MDN1: variants seen among roughly 807,000 people sequenced by gnomAD.
The protein encoded by MDN1 is midasin.
In MDN1, 266 loss-of-function variants were observed where a neutral mutation model predicts 669.2. That is an observed-to-expected ratio of 0.40 (90% CI 0.36 to 0.44). MDN1 has a LOEUF of 0.44. Among genes scored for constraint, MDN1 ranks in the 20% least tolerant of loss-of-function variants. MDN1 has a pLI of 1.00. For synonymous variants in MDN1, 2,385 were observed against 2,457.1 expected (o/e 0.97, Z 0.87); for missense variants, 5,940 against 6,754.0 (o/e 0.88, Z 4.22).
intron 33 of MDN1, among the ~76,000 whole-genome samples, chr6:89,734,087 C>G (rs1235059960): frequency 6.6e-6 from 1 of 151,878 alleles, no homozygotes; most frequent in Non-Finnish European, 1.5e-5. Context: ...GAGTTCAAGA[C>G]CACCCTGGCC....
intron 63 of MDN1, among the ~76,000 whole-genome samples, chr6:89,691,608 T>C (rs1468242680): frequency 1.3e-5 from 2 of 152,060 alleles, no homozygotes; most frequent in Admixed American, 1.3e-4. Context: ...GATAAGAAAA[T>C]AGTTAAATTA....
rs1584419685 is a variant in MDN1, at chr6:89,818,896, C to CT, written c.102+609dup. 2.0e-5 allele frequency among the ~76,000 whole-genome samples: 3 copies of CT among 152,174 alleles called. No individual in the cohort carries two copies. In the East Asian group the frequency reaches 5.8e-4, roughly 29 times the overall value. On this transcript the variant is annotated intron_variant, in intron 1 of 101. Coordinates refer to ENST00000369393, the MANE Select transcript of MDN1 (RefSeq NM_014611.3). ...CCGAAGACCTATTTCCCAGAAAACTCTAATTAACCTTATAATTTGTATAGT... is the reference window on the plus strand; with the variant it reads ...CCGAAGACCTATTTCCCAGAAAACTCTTAATTAACCTTATAATTTGTATAGT...
At chr6:89,814,897 C>T (rs1224144484) in intron 1 of MDN1, 1 of 495,770 alleles carries the variant, frequency 2.0e-6, no homozygotes, top group East Asian at 5.4e-5. Context: ...CCCTAGAAAC[C>T]AGGGTCAGGG....
intron 15 of MDN1, among the ~76,000 whole-genome samples, chr6:89,770,366 C>T (rs886632046): frequency 1.6e-3 from 232 of 148,152 alleles, no homozygotes; most frequent in Middle Eastern, 7.0e-3. Context: ...ATCGCGCCAC[C>T]GCACTCCAGC....
At chr6:89,750,182 A>G (rs2128318707) in intron 24 of MDN1, among the ~76,000 whole-genome samples, 172 bp downstream of exon 24, 1 of 152,324 alleles carries the variant, frequency 6.6e-6, no homozygotes, top group Middle Eastern at 3.4e-3. Flanking sequence ...ACCTAAAGAA[A>G]GCCAGCACCT....
chr6:89,657,714 G>A (rs1179568851), intron 90 of MDN1, among the ~76,000 whole-genome samples: 1 of 152,160 alleles, frequency 6.6e-6, no homozygotes, highest in Non-Finnish European at 1.5e-5. Flanking sequence ...GTTTGTCCTG[G>A]GAGGCATATA....
At chr6:89,646,449 A>G (rs1808496388) in intron 100 of MDN1, 91 bp downstream of exon 100, 9 of 1,006,770 alleles carry the variant, frequency 8.9e-6, no homozygotes, top group Middle Eastern at 2.1e-4. Context: ...ATTAAAACAC[A>G]GTGACGGGGA....
chr6:89,659,624 C>T (rs1809571581), intron 88 of MDN1, among the ~76,000 whole-genome samples: 1 of 152,018 alleles, frequency 6.6e-6, no homozygotes, highest in Admixed American at 6.6e-5. Flanking sequence ...AAAATAATAG[C>T]TAATCCACCC....
At chr6:89,702,936 C>T (rs890982641) in intron 53 of MDN1, among the ~76,000 whole-genome samples, 2 of 127,348 alleles carry the variant, frequency 1.6e-5, no homozygotes, top group Non-Finnish European at 3.2e-5. Context: ...GGGGTAAAGG[C>T]CCTTTTTTTT....
At chr6:89,724,160 A>AT (rs1815039628) in intron 38 of MDN1, among the ~76,000 whole-genome samples, 1 of 152,128 alleles carries the variant, frequency 6.6e-6, no homozygotes, top group Admixed American at 6.5e-5. Flanking sequence ...GAAAAAAAAA[A>AT]GATACATGTT....
intron 2 of MDN1, among the ~76,000 whole-genome samples, chr6:89,801,228 C>G (rs375021354): frequency 2.0e-5 from 3 of 151,408 alleles, no homozygotes; most frequent in South Asian, 4.2e-4. Context: ...AAACCCCATC[C>G]ACACTAAAAG....
In MDN1 at chr6:89,644,142, G is replaced by A. The variant is rs146061778; in HGVS notation, c.16654C>T (p.Pro5552Ser). ...TCTTCCATGTAGGATCGGATTTCAGGCATCTCTCCAGGTCCTTTAAATATC... is the reference window on the plus strand; with the variant it reads ...TCTTCCATGTAGGATCGGATTTCAGACATCTCTCCAGGTCCTTTAAATATC... ...VPIFKGPGEM[P>S]EIRSYMEEFP... The change falls in exon 102 of 102, where the codon CCT (proline) becomes TCT (serine). Residue 5552 changes from proline to serine, a missense_variant. Pro to Ser is a moderately conservative substitution (Grantham distance 74, BLOSUM62 -1). Coordinates refer to ENST00000369393, the MANE Select transcript of MDN1 (RefSeq NM_014611.3). 3.1e-6 allele frequency: 5 copies of A among 1,613,906 alleles called. No homozygotes were observed. The African/African-American group carries it at 6.7e-5, about 22-fold the overall frequency.
chr6:89,670,166 A>ATTTTTTTTTTTTT (rs1482501704), intron 83 of MDN1, among the ~76,000 whole-genome samples: 2 of 17,716 alleles, frequency 1.1e-4, no homozygotes, highest in African/African-American at 3.2e-4. Flanking sequence ...ATATATATAT[A>ATTTTTTTTTTTTT]TATATTTTTT....
Position 89,685,989 on chromosome 6 carries a change from G to A in MDN1, c.11573-16C>T, listed in dbSNP as rs760624308. ...TGTTTGTCATCTTTAAAAATTCAAA[G>A]AGAAAAATATATATGTTCCTTCGAC... is the stretch of plus-strand genomic sequence containing the variant. On this transcript the variant is annotated splice_polypyrimidine_tract_variant and intron_variant, in intron 69 of 101. Transcript: ENST00000369393. 4 of 1,609,056 alleles carry A rather than the reference G, an allele frequency of 2.5e-6. No homozygotes were observed. The highest frequency in any genetic ancestry group is 1.7e-5 in the Admixed American group (1 of 58,904).
chr6:89,676,793 A>G (rs1476310125), intron 76 of MDN1, among the ~76,000 whole-genome samples: 1 of 152,246 alleles, frequency 6.6e-6, no homozygotes, highest in Non-Finnish European at 1.5e-5. Context: ...ACACATGTGT[A>G]CTATACCCAG....
rs1174215842 is a variant in MDN1 at position 89,695,711 on chromosome 6, C to T, written c.9665G>A (p.Ser3222Asn). 1 of 1,613,668 alleles carries T rather than the reference C, an allele frequency of 6.2e-7. No homozygotes were observed. Among genetic ancestry groups the T allele is most frequent in the Non-Finnish European group, 8.5e-7 (1 of 1,180,022 alleles). The change falls in exon 61 of 102, where the codon AGC (serine) becomes AAC (asparagine). Residue 3222 changes from serine to asparagine, a missense_variant. Ser to Asn is a conservative substitution (Grantham distance 46). Coordinates refer to ENST00000369393, the MANE Select transcript of MDN1 (RefSeq NM_014611.3). This position sits in a 1 kb window ranked among gnomAD's most constrained non-coding sequence, Gnocchi z 4.1. ...GAGCAAGCCGAGGCTCACCCAGAGGCTCCCACGCTGGGCTGGCTCAGGCAG... is the reference window on the plus strand; with the variant it reads ...GAGCAAGCCGAGGCTCACCCAGAGGTTCCCACGCTGGGCTGGCTCAGGCAG... ...RSLPEPAQRG[S>N]LWVSLGLLQI...
chr6:89,784,792 A>G (rs1381642255), intron 9 of MDN1, among the ~76,000 whole-genome samples: 1 of 152,230 alleles, frequency 6.6e-6, no homozygotes, highest in Admixed American at 6.5e-5. Flanking sequence ...GTGGTTATAT[A>G]TGAAAATGCC....
At chr6:89,726,874 CCACAAAG>C (rs1240354608) in intron 37 of MDN1, among the ~76,000 whole-genome samples, 1 of 152,080 alleles carries the variant, frequency 6.6e-6, no homozygotes, top group Non-Finnish European at 1.5e-5. Flanking sequence ...TACACAAGCA[CCACAAAG>C]CACAAACACT....
At chr6:89,678,459 A>T in intron 75 of MDN1, 140 bp downstream of exon 75, 1 of 870,996 alleles carries the variant, frequency 1.1e-6, no homozygotes, top group Non-Finnish European at 1.7e-6. Context: ...TGGAACTCTT[A>T]GACATCTGGA....
Sources: allele counts gnomAD v4.1 joint callset (sites outside exome capture counted in the v4.1 genomes callset), GRCh38; gene constraint gnomAD v4.1.1; non-coding constraint Gnocchi (gnomAD v3.1); transcripts MANE v1.5; gene names NCBI Gene and HGNC (gene_info 2026-07-23, HGNC 2026-07-21).